PCDHGA1: variants seen among roughly 807,000 people sequenced by gnomAD.
PCDHGA1 encodes protocadherin gamma-A1.
PCDHGA1 carries 32 observed loss-of-function variants against 58.0 expected under a neutral mutation model. The ratio of observed to expected loss-of-function variants is 0.55; its 90% confidence interval spans 0.42 to 0.74. The LOEUF (loss-of-function observed/expected upper bound fraction) is 0.74. Among genes scored for constraint, PCDHGA1 ranks in the 30% least tolerant of loss-of-function variants. The pLI, the probability that PCDHGA1 is intolerant of heterozygous loss-of-function variation, is 0.00. For missense variants in PCDHGA1, 1,205 were observed against 1,182.3 expected, an observed-to-expected ratio of 1.02 and a Z score of -0.28; for synonymous variants, 498 against 501.1, an observed-to-expected ratio of 0.99 and a Z score of 0.08.
rs61612330 is a variant in PCDHGA1, at chr5:141,454,796, A to ATTTTTTT, written c.2422-39988_2422-39982dup. On this transcript the variant is annotated intron_variant, in intron 1 of 3. Transcript: ENST00000517417. Reference sequence around the variant, plus strand: ...AAGGAAATAATCCTCCATGGTTCTAATTTTTTTTTTTTTTTTTTTTTTTTT... The same window carrying ATTTTTTT: ...AAGGAAATAATCCTCCATGGTTCTAATTTTTTTTTTTTTTTTTTTTTTTTTTTTTTTT... Among the ~76,000 whole-genome samples the ATTTTTTT allele has an allele frequency of 2.6e-3, 198 of 77,448 alleles. 27 individuals are homozygous for ATTTTTTT. The highest frequency in any genetic ancestry group is 8.4e-3 in the African/African-American group (141 of 16,874). The allele number at this position is 77,448 out of a possible 152,430, so 50.8% of individuals were successfully genotyped here. A position where few individuals can be genotyped will look rare whatever the true frequency, so the allele number is the denominator to read the frequency against.
Position 141,330,932 on chromosome 5 carries a change from G to C in PCDHGA1, c.248G>C (p.Ser83Thr). Reference sequence around the variant, plus strand: ...TTCGCTCTGAATCCTAGAAGTGGCAGCTTGATCACCGCGCGCAGGATAGAC... The same window carrying C: ...TTCGCTCTGAATCCTAGAAGTGGCACCTTGATCACCGCGCGCAGGATAGAC... ...PLFALNPRSG[S>T]LITARRIDRE... The change falls in exon 1 of 4, where the codon AGC (serine) becomes ACC (threonine). Residue 83 changes from serine (S) to threonine (T), a missense_variant. Coordinates refer to ENST00000517417, the MANE Select transcript of PCDHGA1 (RefSeq NM_018912.3). The C allele has an allele frequency of 1.2e-6, 2 of 1,614,242 alleles. No individual in the cohort carries two copies. Among genetic ancestry groups the C allele is most frequent in the Non-Finnish European group, 1.7e-6 (2 of 1,180,036 alleles).
At chr5:141,500,959 C>T (rs2099804326) in intron 2 of PCDHGA1, among the ~76,000 whole-genome samples, 1 of 152,022 alleles carries the variant, frequency 6.6e-6, no homozygotes, top group South Asian at 2.1e-4. Flanking sequence ...AGCTCCACCT[C>T]CTGGGTTCAA....
chr5:141,486,137 G>A lies in PCDHGA1; in HGVS notation c.2422-8670G>A, dbSNP rs1187526031. 1 of 1,614,074 alleles carries A rather than the reference G, an allele frequency of 6.2e-7. No individual in the cohort carries two copies. On this transcript the variant is annotated intron_variant, in intron 1 of 3. Coordinates refer to ENST00000517417, the MANE Select transcript of PCDHGA1 (RefSeq NM_018912.3). The surrounding 1 kb of genome is among the most constrained non-coding windows in gnomAD (Gnocchi z 5.0). ...GAATTACTATGAATTTGATGTGCGGGCTCGCGATGGGGGTTCTCCAGCCAT... is the reference window on the plus strand; with the variant it reads ...GAATTACTATGAATTTGATGTGCGGACTCGCGATGGGGGTTCTCCAGCCAT...
At chr5:141,394,463 G>C (rs1244366845) in intron 1 of PCDHGA1, 1 of 1,614,130 alleles carries the variant, frequency 6.2e-7, no homozygotes, top group Non-Finnish European at 8.5e-7. Flanking sequence ...CACTGAGCCT[G>C]TTCGTGCTGG....
Position 141,415,491 on chromosome 5 carries a change from G to C in PCDHGA1, c.2422-79316G>C, listed in dbSNP as rs1386703838. 3.7e-6 allele frequency: 6 copies of C among 1,614,090 alleles called. No homozygotes were observed. The Admixed American group carries it at 8.3e-5, about 22-fold the overall frequency. ...CCGCGGACTCGCGAAAGAGTCACCTGATCTTCCCCCAGCCCAATTATGCGG... is the reference window on the plus strand; with the variant it reads ...CCGCGGACTCGCGAAAGAGTCACCTCATCTTCCCCCAGCCCAATTATGCGG... On this transcript the variant is annotated intron_variant, in intron 1 of 3. Coordinates refer to ENST00000517417, the MANE Select transcript of PCDHGA1 (RefSeq NM_018912.3).
intron 1 of PCDHGA1, chr5:141,428,062 A>G: frequency 6.2e-7 from 1 of 1,609,084 alleles, no homozygotes; most frequent in African/African-American, 1.3e-5. Flanking sequence ...GTGGCGGTGG[A>G]CGCAGATTCG....
chr5:141,418,730 G>GT, intron 1 of PCDHGA1: 1 of 1,613,952 alleles, frequency 6.2e-7, no homozygotes, highest in Non-Finnish European at 8.5e-7. Context: ...AGCTCAGCAC[G>GT]TGTTCTCTCT....
intron 1 of PCDHGA1, chr5:141,403,862 G>A (rs1370445288): frequency 1.2e-6 from 2 of 1,613,508 alleles, no homozygotes; most frequent in East Asian, 2.2e-5. Flanking sequence ...AATATCAACA[G>A]CAAAAAGTCT....
intron 1 of PCDHGA1, chr5:141,374,689 G>A (rs1337417637): frequency 1.2e-6 from 2 of 1,609,578 alleles, no homozygotes; most frequent in East Asian, 2.2e-5. Context: ...CACTGGACCG[G>A]GAAGGAGAAG....
At position 141,494,730 on chromosome 5, in the gene PCDHGA1, G is replaced by A. The variant is rs1595262506; in HGVS notation, c.2422-77G>A. 18 of 1,609,816 alleles carry A rather than the reference G, an allele frequency of 1.1e-5. No individual in the cohort carries two copies. In the East Asian group the frequency reaches 4.0e-4, roughly 36 times the overall value. On this transcript the variant is annotated intron_variant, in intron 1 of 3. Coordinates refer to ENST00000517417, the MANE Select transcript of PCDHGA1 (RefSeq NM_018912.3). ...GTGCCCACTCCCCTCCTTCTCTCCC[G>A]GCCCATCCCTAGGGGCTCGGGTGAC...
intron 1 of PCDHGA1, chr5:141,352,708 G>C: frequency 6.5e-7 from 1 of 1,543,660 alleles, no homozygotes; most frequent in Non-Finnish European, 8.7e-7. Context: ...TATATATGGC[G>C]GCCGGGCGCG....
chr5:141,495,878 T>C (rs2099764378), intron 2 of PCDHGA1, among the ~76,000 whole-genome samples: 1 of 152,184 alleles, frequency 6.6e-6, no homozygotes, highest in African/African-American at 2.4e-5. Context: ...TTCCTCTCTG[T>C]TCTTTGTCTC....
At chr5:141,371,200 T>C in intron 1 of PCDHGA1, 3 of 1,614,034 alleles carry the variant, frequency 1.9e-6, no homozygotes, top group Non-Finnish European at 2.5e-6. Flanking sequence ...GCCATTGACA[T>C]GGATGAGGGC....
At position 141,413,553 on chromosome 5, in the gene PCDHGA1, A is replaced by G; in HGVS notation, c.2421+80448A>G. On this transcript the variant is annotated intron_variant, in intron 1 of 3. Coordinates refer to ENST00000517417, the MANE Select transcript of PCDHGA1 (RefSeq NM_018912.3). ...TGAAACTTTTTGGGATAGAAATAGA[A>G]GTAACTGATATCAATGACAATGCTC... The G allele has an allele frequency of 6.2e-7, 1 of 1,613,938 alleles. No individual in the cohort carries two copies. Among genetic ancestry groups the G allele is most frequent in the Non-Finnish European group, 8.5e-7 (1 of 1,179,902 alleles).
rs1317308437 is a variant in PCDHGA1, at chr5:141,418,492, A to G, written c.2422-76315A>G. The G allele has an allele frequency of 1.9e-6, 3 of 1,613,886 alleles. No homozygotes were observed. The African/African-American group carries it at 4.0e-5, about 22-fold the overall frequency. On this transcript the variant is annotated intron_variant, in intron 1 of 3. Coordinates refer to ENST00000517417, the MANE Select transcript of PCDHGA1 (RefSeq NM_018912.3). ...AAACGCAGAGCGCTCACCACTTGGT[A>G]CTGACCGCCTTAGATGGTGGGGACC... is the stretch of plus-strand genomic sequence containing the variant.
Position 141,386,987 on chromosome 5 carries a change from A to G in PCDHGA1, c.2421+53882A>G, listed in dbSNP as rs147872708. 4.1e-3 allele frequency among the ~76,000 whole-genome samples: 628 copies of G among 152,308 alleles called. 4 individuals carry two copies. The highest frequency in any genetic ancestry group is 3.9e-3 in the Non-Finnish European group (262 of 68,032). ...CTCAGTGACTTTGTGTTTTGAGGCTATGTATTATCCCCCTGATAACTTTGA... is the reference window on the plus strand; with the variant it reads ...CTCAGTGACTTTGTGTTTTGAGGCTGTGTATTATCCCCCTGATAACTTTGA... On this transcript the variant is annotated intron_variant, in intron 1 of 3. Transcript: ENST00000517417.
intron 1 of PCDHGA1, chr5:141,414,780 G>A (rs2095787223): frequency 1.2e-6 from 2 of 1,614,232 alleles, no homozygotes; most frequent in Non-Finnish European, 1.7e-6. Context: ...TACAGATGCA[G>A]GTGACAGCCA....
rs1334650353 is a variant in PCDHGA1, at chr5:141,493,099, A to T, written c.2422-1708A>T. Among the ~76,000 whole-genome samples, 1 of 152,192 alleles carries T rather than the reference A, an allele frequency of 6.6e-6. No homozygotes were observed. Among genetic ancestry groups the T allele is most frequent in the East Asian group, 1.9e-4 (1 of 5,198 alleles). On this transcript the variant is annotated intron_variant, in intron 1 of 3. Coordinates refer to ENST00000517417, the MANE Select transcript of PCDHGA1 (RefSeq NM_018912.3). This position sits in a 1 kb window ranked among gnomAD's most constrained non-coding sequence, Gnocchi z 4.3. ...CTCCAGGAGCTTTTATTCAAAATAT[A>T]TCAATGCCTAACTCTGCTCCTAGGA... is the stretch of plus-strand genomic sequence containing the variant.
chr5:141,400,561 A>G, intron 1 of PCDHGA1: 1 of 1,612,992 alleles, frequency 6.2e-7, no homozygotes, highest in Non-Finnish European at 8.5e-7. Flanking sequence ...TTCATTACCC[A>G]CCCAATTTTC....
Sources: gnomAD v4.1 joint callset for allele counts (sites outside exome capture counted in the v4.1 genomes callset) on GRCh38, gnomAD v4.1.1 for gene constraint, Gnocchi (gnomAD v3.1) non-coding constraint, MANE v1.5 for transcripts, NCBI Gene and HGNC (gene_info 2026-07-23, HGNC 2026-07-21) for gene names.